KDM6A: variants seen among roughly 807,000 people sequenced by gnomAD.
KDM6A encodes lysine demethylase 6A.
A neutral mutation model predicts 117.6 loss-of-function variants in KDM6A; 11 were observed. That is an observed-to-expected ratio of 0.09 (90% CI 0.06 to 0.15). The LOEUF (loss-of-function observed/expected upper bound fraction) is 0.15, where lower values mean the gene tolerates loss of function less well. KDM6A is among the 10% of genes least tolerant of loss of function. KDM6A has a pLI of 1.00. For missense variants in KDM6A, 799 were observed against 1,077.3 expected, an observed-to-expected ratio of 0.74 and a Z score of 3.62; for synonymous variants, 384 against 396.1, an observed-to-expected ratio of 0.97 and a Z score of 0.36.
chrX:45,051,600 A>T (rs1427228326), intron 8 of KDM6A, 109 bp from the exon 9 acceptor site: 5 of 471,814 alleles, frequency 1.1e-5, no homozygotes, highest in Admixed American at 8.1e-5. Flanking sequence ...TTTTTCTTTT[A>T]GTTTTAAAAA....
In KDM6A at chrX:45,010,997, T is replaced by C; in HGVS notation, c.421T>C (p.Phe141Leu). The change falls in exon 5 of 30, where the codon TTC (phenylalanine) becomes CTC (leucine). Residue 141 changes from phenylalanine (F) to leucine (L), a missense_variant. Phe to Leu is a conservative substitution (Grantham distance 22). Transcript: ENST00000611820. ...TTTATATGGTCTTGGTTTGGTCTAC[T>C]TCCATTATAATGCATTTCAGTGGTA... Reference protein sequence around the residue: ...AFLYGLGLVYFHYNAFQWAIK... With the variant: ...AFLYGLGLVYLHYNAFQWAIK... The C allele has an allele frequency of 8.3e-7, 1 of 1,201,876 alleles. No homozygotes were observed. Among genetic ancestry groups the C allele is most frequent in the Non-Finnish European group, 1.1e-6 (1 of 886,902 alleles).
intron 2 of KDM6A, among the ~76,000 whole-genome samples, chrX:44,918,578 A>T (rs1369513372): frequency 1.8e-5 from 2 of 111,396 alleles, no homozygotes; most frequent in African/African-American, 3.3e-5. Context: ...AAAATTAAAA[A>T]TTTTTCCATA....
chrX:45,018,596 A>G (rs1026190473), intron 5 of KDM6A, among the ~76,000 whole-genome samples: 1 of 112,041 alleles, frequency 8.9e-6, no homozygotes, highest in Admixed American at 9.4e-5. Context: ...GGCTAGAAAT[A>G]GAAACTGAGA....
chrX:45,069,933 T>C lies in KDM6A; in HGVS notation c.2434T>C (p.Cys812Arg). ...CCATCAGATGACGGCAGATGCTGTTTGCAGTCCTAGCCATGGAGATTCTAA... is the reference window on the plus strand; with the variant it reads ...CCATCAGATGACGGCAGATGCTGTTCGCAGTCCTAGCCATGGAGATTCTAA... ...HVHQMTADAV[C>R]SPSHGDSKSP... is the part of the protein sequence containing the mutation. Residue 812 changes from cysteine to arginine, a missense_variant, in exon 18 of 30, where the codon TGC becomes CGC. This residue lies in a region of KDM6A where 301 missense variants were observed against 318.3 expected (regional missense o/e 0.95). Transcript: ENST00000611820. 8.3e-7 allele frequency: 1 copy of C among 1,211,859 alleles called. No individual in the cohort carries two copies. The highest frequency in any genetic ancestry group is 1.1e-6 in the Non-Finnish European group (1 of 895,475).
chrX:45,102,244 A>C (rs765145811), intron 27 of KDM6A, among the ~76,000 whole-genome samples: 2 of 111,917 alleles, frequency 1.8e-5, no homozygotes, highest in African/African-American at 6.5e-5. Context: ...AGCTCTATGC[A>C]AAGAACTCTG....
At chrX:44,941,851 C>T (rs976734922) in intron 2 of KDM6A, among the ~76,000 whole-genome samples, 1 of 109,908 alleles carries the variant, frequency 9.1e-6, no homozygotes. Context: ...CCCTTTTTTG[C>T]TTGCCATTTC....
At chrX:45,049,154 A>G (rs2043723093) in intron 8 of KDM6A, among the ~76,000 whole-genome samples, 1 of 111,905 alleles carries the variant, frequency 8.9e-6, no homozygotes, top group African/African-American at 3.3e-5. Flanking sequence ...TCCTTTACTC[A>G]CATCTCTACA....
chrX:44,997,603 G>A (rs978151659), intron 4 of KDM6A, among the ~76,000 whole-genome samples: 1 of 111,486 alleles, frequency 9.0e-6, no homozygotes, highest in African/African-American at 3.3e-5. Flanking sequence ...TAGGTCTGAG[G>A]GGGTAGAGCC....
In KDM6A at chrX:45,078,541, C is replaced by A. The variant is rs191455450; in HGVS notation, c.3094+36C>A. ...AATTAAAAAAGGAAAACGTTTGTCT[C>A]TTTGTTTTGCTATCTTTTAACTTTT... is the stretch of plus-strand genomic sequence containing the variant. On this transcript the variant is annotated intron_variant, in intron 20 of 29. Coordinates refer to ENST00000611820, the MANE Select transcript of KDM6A (RefSeq NM_001291415.2). 7.2e-5 allele frequency: 79 copies of A among 1,096,571 alleles called. No homozygotes were observed. The African/African-American group carries it at 1.3e-3, about 19-fold the overall frequency. The allele number at this position is 1,096,571 out of a possible 1,213,427, so 90.4% of individuals were successfully genotyped here. A position where few individuals can be genotyped will look rare whatever the true frequency, so the allele number is the denominator to read the frequency against.
At chrX:44,990,588 A>AAAT (rs1318085432) in intron 4 of KDM6A, among the ~76,000 whole-genome samples, 1 of 110,386 alleles carries the variant, frequency 9.1e-6, no homozygotes, top group Non-Finnish European at 1.9e-5. Flanking sequence ...ATAAATAAAT[A>AAAT]AAAGCTGTCA....
At position 44,873,238 on chromosome X, in the gene KDM6A, C is replaced by G. The variant is rs758753408; in HGVS notation, c.-314C>G. On this transcript the variant is annotated 5_prime_UTR_variant, in exon 1 of 30. Coordinates refer to ENST00000611820, the MANE Select transcript of KDM6A (RefSeq NM_001291415.2). ...GAAGTTTGTGTCTCCAACGAATCCC[C>G]TCAGTGCTCCCCAGCCCCGCGCGCT... The G allele has an allele frequency of 1.6e-4, 50 of 313,302 alleles. No homozygotes were observed. The highest frequency in any genetic ancestry group is 1.4e-3 in the African/African-American group (49 of 35,751). The allele number at this position is 313,302 out of a possible 1,213,427, so 25.8% of individuals were successfully genotyped here.
chrX:44,943,489 A>C (rs1316764200), intron 2 of KDM6A, among the ~76,000 whole-genome samples: 2 of 109,120 alleles, frequency 1.8e-5, no homozygotes, highest in African/African-American at 6.5e-5. Context: ...AAAATGAGGG[A>C]TGCCTGTTTG....
chrX:44,914,663 G>A (rs2035443270), intron 2 of KDM6A, among the ~76,000 whole-genome samples: 1 of 110,955 alleles, frequency 9.0e-6, no homozygotes, highest in African/African-American at 3.3e-5. Context: ...ACTGTGGATA[G>A]GCTAAACTAC....
chrX:45,037,261 T>C (rs954789719), intron 7 of KDM6A, among the ~76,000 whole-genome samples: 2 of 112,398 alleles, frequency 1.8e-5, no homozygotes, highest in African/African-American at 6.5e-5. Flanking sequence ...TTTACTCTTT[T>C]TTGACTTGGG....
intron 3 of KDM6A, among the ~76,000 whole-genome samples, chrX:44,962,755 T>C (rs2038743510): frequency 8.9e-6 from 1 of 112,032 alleles, no homozygotes; most frequent in Non-Finnish European, 1.9e-5. Context: ...GTCTAAAAAA[T>C]GTACATACTT....
At chrX:44,923,191 G>C (rs2036073781) in intron 2 of KDM6A, among the ~76,000 whole-genome samples, 1 of 111,203 alleles carries the variant, frequency 9.0e-6, no homozygotes, top group Non-Finnish European at 1.9e-5. Context: ...AAGTGATTTG[G>C]TTACGTTATG....
intron 6 of KDM6A, among the ~76,000 whole-genome samples, chrX:45,023,515 G>A (rs944847120): frequency 3.6e-5 from 4 of 111,045 alleles, no homozygotes; most frequent in Admixed American, 1.9e-4. Flanking sequence ...TGACCCTGCC[G>A]CATATCTTCG....
At chrX:44,887,126 GC>G (rs1187616669) in intron 2 of KDM6A, among the ~76,000 whole-genome samples, 1 of 109,421 alleles carries the variant, frequency 9.1e-6, no homozygotes, top group African/African-American at 3.3e-5. Context: ...TATCATGTCG[GC>G]CAGGCTGGTC....
At position 45,063,755 on chromosome X, in the gene KDM6A, C is replaced by T. The variant is rs139486036; in HGVS notation, c.2017C>T (p.Arg673Cys). The change falls in exon 17 of 30, where the codon CGC becomes TGC. Residue 673 changes from arginine to cysteine, a missense_variant. By Grantham distance (180) the Arg-to-Cys change is radical. Transcript: ENST00000611820. ...QRNALTLPHN[R>C]TNLTSSAEEP... ...AAACGCACTCACTCTACCTCATAAC[C>T]GCACAAACCTGACCAGCAGCGCAGA... 37 of 1,205,305 alleles carry T rather than the reference C, an allele frequency of 3.1e-5. No homozygotes were observed. The South Asian group carries it at 3.6e-4, about 12-fold the overall frequency.
Sources: gnomAD v4.1 joint callset for allele counts (sites outside exome capture counted in the v4.1 genomes callset) on GRCh38, gnomAD v4.1.1 for gene constraint, gnomAD v4.1.1 regional missense constraint, MANE v1.5 for transcripts, NCBI Gene and HGNC (gene_info 2026-07-23, HGNC 2026-07-21) for gene names.